Variants in HDGFL3 observed in about 807,000 individuals in gnomAD.
HDGFL3 encodes the protein HDGF like 3, also known as hepatoma-derived growth factor-related protein 3.
In HDGFL3, 6 loss-of-function variants were observed where a neutral mutation model predicts 27.6. The observed-to-expected ratio is 0.22, with a 90% CI of 0.12 to 0.43. The LOEUF (loss-of-function observed/expected upper bound fraction) is 0.43, where lower values mean the gene tolerates loss of function less well. Among genes scored for constraint, HDGFL3 ranks in the 20% least tolerant of loss-of-function variants. HDGFL3 has a pLI of 1.00. For missense variants in HDGFL3, 207 were observed against 250.1 expected, an observed-to-expected ratio of 0.83 and a Z score of 1.16; for synonymous variants, 88 against 88.9, an observed-to-expected ratio of 0.99 and a Z score of 0.05.
chr15:83,165,082 A>C (rs1789381643), intron 1 of HDGFL3, among the ~76,000 whole-genome samples: 1 of 152,246 alleles, frequency 6.6e-6, no homozygotes, highest in African/African-American at 2.4e-5. Flanking sequence ...AAGTTCCCAG[A>C]AATGCTTACA....
intron 5 of HDGFL3, among the ~76,000 whole-genome samples, chr15:83,148,576 C>A (rs1042782557): frequency 6.6e-6 from 1 of 151,574 alleles, no homozygotes; most frequent in East Asian, 1.9e-4. Flanking sequence ...GAGCCAAGAT[C>A]GCACCACTGT....
downstream of HDGFL3, chr15:83,124,800 C>T (rs766581396): frequency 1.7e-5 from 26 of 1,547,106 alleles, 1 homozygote; most frequent in Middle Eastern, 6.7e-4. Flanking sequence ...ATCATAATAA[C>T]GTAACATTGT....
At chr15:83,124,341 G>C (rs2035540219), downstream of HDGFL3, among the ~76,000 whole-genome samples, 1 of 152,118 alleles carries the variant, frequency 6.6e-6, no homozygotes, top group African/African-American at 2.4e-5. Context: ...TACTGGAAAA[G>C]TATACCAACG....
chr15:83,172,419 G>C lies in HDGFL3; in HGVS notation c.85-8344C>G, dbSNP rs181180255. On this transcript the variant is annotated intron_variant, in intron 1 of 5. Coordinates refer to ENST00000299633, the MANE Select transcript of HDGFL3 (RefSeq NM_016073.4). ...AGTTGAAAATCCATATATACCTTTT[G>C]ACTCCCCCAAAACTTAATTACTAAT... 2.9e-3 allele frequency among the ~76,000 whole-genome samples: 437 copies of C among 152,204 alleles called. 1 individual carries two copies. Among genetic ancestry groups the C allele is most frequent in the African/African-American group, 9.6e-3 (398 of 41,534 alleles).
Position 83,136,575 on chromosome 15 carries a change from A to G in HDGFL3, c.*2695T>C. The G allele has an allele frequency of 6.2e-7, 1 of 1,613,882 alleles. No individual in the cohort carries two copies. Among genetic ancestry groups the G allele is most frequent in the Non-Finnish European group, 8.5e-7 (1 of 1,179,864 alleles). ...GCAAAAATCCTTTTTTTAGCATTAAACATAGCATATGGAGTTCTTCCTCAG... is the reference window on the plus strand; with the variant it reads ...GCAAAAATCCTTTTTTTAGCATTAAGCATAGCATATGGAGTTCTTCCTCAG... On this transcript the variant is annotated 3_prime_UTR_variant, in exon 6 of 6. Coordinates refer to ENST00000299633, the MANE Select transcript of HDGFL3 (RefSeq NM_016073.4).
intron 1 of HDGFL3, among the ~76,000 whole-genome samples, chr15:83,193,955 C>T (rs1247119405): frequency 3.3e-5 from 5 of 152,152 alleles, no homozygotes; most frequent in African/African-American, 1.2e-4. Flanking sequence ...ACACCACCAC[C>T]ACCCCACCCA....
chr15:83,200,871 T>G (rs1235479639), intron 1 of HDGFL3, among the ~76,000 whole-genome samples: 1 of 151,358 alleles, frequency 6.6e-6, no homozygotes, highest in Non-Finnish European at 1.5e-5. Flanking sequence ...TTTTTTTTTT[T>G]TTTTCACTTC....
intron 1 of HDGFL3, among the ~76,000 whole-genome samples, chr15:83,167,861 C>T (rs1443741778): frequency 6.6e-6 from 1 of 152,166 alleles, no homozygotes; most frequent in East Asian, 1.9e-4. Context: ...TCCTTCTCAT[C>T]TGCACACAGA....
intron 5 of HDGFL3, among the ~76,000 whole-genome samples, chr15:83,149,013 G>T (rs2036933566): frequency 6.6e-6 from 1 of 152,026 alleles, no homozygotes; most frequent in Non-Finnish European, 1.5e-5. Flanking sequence ...CGGTGGTAGG[G>T]TCACTTTATA....
At chr15:83,145,950 G>A (rs1328341781) in intron 5 of HDGFL3, among the ~76,000 whole-genome samples, 5 of 108,744 alleles carry the variant, frequency 4.6e-5, no homozygotes, top group Non-Finnish European at 6.7e-5. Flanking sequence ...TCACTCTGTC[G>A]CCCAGGTTGG....
At chr15:83,153,429 T>C (rs971706359) in intron 4 of HDGFL3, among the ~76,000 whole-genome samples, 1 of 152,152 alleles carries the variant, frequency 6.6e-6, no homozygotes, top group Non-Finnish European at 1.5e-5. Flanking sequence ...TGGCATGTAT[T>C]TGGGATATAC....
At chr15:83,177,612 T>C (rs745994309) in intron 1 of HDGFL3, among the ~76,000 whole-genome samples, 3 of 152,222 alleles carry the variant, frequency 2.0e-5, no homozygotes, top group African/African-American at 4.8e-5. Context: ...TACACTAACA[T>C]TGTCATGTTA....
At chr15:83,151,189 A>G (rs1474801984) in intron 5 of HDGFL3, 26 bp downstream of exon 5, 3 of 1,598,916 alleles carry the variant, frequency 1.9e-6, no homozygotes, top group Non-Finnish European at 2.6e-6. Context: ...AATAGAAGGT[A>G]AGAGAAATTA....
At chr15:83,192,045 AAT>A (rs1446836538) in intron 1 of HDGFL3, among the ~76,000 whole-genome samples, 2 of 150,012 alleles carry the variant, frequency 1.3e-5, no homozygotes, top group African/African-American at 4.9e-5. Flanking sequence ...AGGTTCAAGC[AAT>A]TCTCCTGCCT....
intron 1 of HDGFL3, among the ~76,000 whole-genome samples, chr15:83,173,662 C>A (rs892110173): frequency 9.2e-5 from 14 of 152,158 alleles, no homozygotes; most frequent in African/African-American, 3.4e-4. Flanking sequence ...CAACCCCATT[C>A]ACTTAGATGA....
downstream of HDGFL3, among the ~76,000 whole-genome samples, chr15:83,126,155 G>A (rs144664208): frequency 7.9e-5 from 12 of 152,242 alleles, no homozygotes; most frequent in East Asian, 2.1e-3. Context: ...ATTGGCCTGT[G>A]TTCATATATG....
intron 5 of HDGFL3, 42 bp from the exon 6 acceptor site, chr15:83,139,317 A>C (rs375620949): frequency 7.7e-7 from 1 of 1,303,478 alleles, no homozygotes; most frequent in Non-Finnish European, 1.0e-6. Flanking sequence ...CCTTTAGATG[A>C]TTTAGGATAC....
At chr15:83,118,736 G>A (rs1188998451) in intron 3 of HDGFL3, among the ~76,000 whole-genome samples, 2 of 152,164 alleles carry the variant, frequency 1.3e-5, no homozygotes, top group Non-Finnish European at 2.9e-5. Context: ...AGCCAGGACA[G>A]CATGAACGTG....
chr15:83,125,905 G>A (rs1024207576), downstream of HDGFL3, among the ~76,000 whole-genome samples: 1 of 152,204 alleles, frequency 6.6e-6, no homozygotes, highest in Non-Finnish European at 1.5e-5. Context: ...GAGGGGCATG[G>A]GGAAGAGAAG....
Sources: allele counts gnomAD v4.1 joint callset (sites outside exome capture counted in the v4.1 genomes callset), GRCh38; gene constraint gnomAD v4.1.1; transcripts MANE v1.5; gene names NCBI Gene and HGNC (gene_info 2026-07-23, HGNC 2026-07-21).